HSD17B11: variants seen among roughly 807,000 people sequenced by gnomAD.
HSD17B11 encodes hydroxysteroid 17-beta dehydrogenase 11.
Under a neutral mutation model 27.8 loss-of-function variants are expected in HSD17B11, and 22 were observed. The observed-to-expected ratio is 0.79, with a 90% CI of 0.56 to 1.13. HSD17B11 has a LOEUF of 1.13. Ranked by LOEUF, HSD17B11 falls within the 50% of genes most tolerant of loss-of-function variation. The pLI is 0.00. For synonymous variants in HSD17B11, 117 were observed against 132.8 expected (o/e 0.88, Z 0.82); for missense variants, 314 against 351.1 (o/e 0.89, Z 0.84).
chr4:87,345,139 A>C (rs531896505), intron 5 of HSD17B11: 40 of 152,482 alleles, frequency 2.6e-4, no homozygotes, highest in Admixed American at 1.6e-3. Flanking sequence ...GGTGGCACGC[A>C]CCTGTAGTCC....
At chr4:87,355,326 A>C (rs1421652242) in intron 5 of HSD17B11, among the ~76,000 whole-genome samples, 1 of 152,152 alleles carries the variant, frequency 6.6e-6, no homozygotes, top group Non-Finnish European at 1.5e-5. Flanking sequence ...TGGGTGGGGC[A>C]ATGATTTAAA....
At chr4:87,370,424 T>C (rs978438712) in intron 4 of HSD17B11, among the ~76,000 whole-genome samples, 2 of 151,990 alleles carry the variant, frequency 1.3e-5, no homozygotes, top group Non-Finnish European at 2.9e-5. Context: ...TTATTATTAT[T>C]ATTATTTTTT....
At chr4:87,342,866 G>A (rs759092952) in intron 5 of HSD17B11, among the ~76,000 whole-genome samples, 1 of 152,132 alleles carries the variant, frequency 6.6e-6, no homozygotes, top group Non-Finnish European at 1.5e-5. Flanking sequence ...TTGGCCTAAT[G>A]GAAGCAAAAA....
intron 2 of HSD17B11, among the ~76,000 whole-genome samples, chr4:87,377,057 G>C (rs1459971329): frequency 6.6e-6 from 1 of 152,230 alleles, no homozygotes; most frequent in African/African-American, 2.4e-5. Context: ...TTGCACCTGG[G>C]AGGTGGAGGT....
chr4:87,368,236 G>T (rs887022867), intron 4 of HSD17B11, among the ~76,000 whole-genome samples: 2 of 152,274 alleles, frequency 1.3e-5, no homozygotes, highest in Middle Eastern at 6.8e-3. Flanking sequence ...AGAATGGCAT[G>T]AACCCGGGAG....
intron 2 of HSD17B11, among the ~76,000 whole-genome samples, chr4:87,380,110 CAA>C (rs201265561): frequency 8.4e-6 from 1 of 119,132 alleles, no homozygotes; most frequent in Admixed American, 9.0e-5. Context: ...GACTCTGTCT[CAA>C]AAAAAAAAAA....
chr4:87,379,797 AAT>A lies in HSD17B11; in HGVS notation c.318+2456_318+2457del, dbSNP rs531524089. Among the ~76,000 whole-genome samples the A allele has an allele frequency of 9.3e-3, 1,326 of 143,170 alleles. 21 individuals are homozygous for A. Among genetic ancestry groups the A allele is most frequent in the African/African-American group, 0.033 (1,254 of 38,416 alleles). 93.9% of individuals were successfully genotyped at this position (143,170 alleles called of 152,430 possible). A position where few individuals can be genotyped will look rare whatever the true frequency, so the allele number is the denominator to read the frequency against. ...ATATAGTAATAGTATATTATAGTATAATATACTATAGTATTATAGTATTAATA... is the reference window on the plus strand; with the variant it reads ...ATATAGTAATAGTATATTATAGTATAATACTATAGTATTATAGTATTAATA... On this transcript the variant is annotated intron_variant, in intron 2 of 6. Coordinates refer to ENST00000358290, the MANE Select transcript of HSD17B11 (RefSeq NM_016245.5).
intron 2 of HSD17B11, among the ~76,000 whole-genome samples, chr4:87,378,895 A>AATATATATATATATATATATTTATATAT (rs1303288739): frequency 9.5e-4 from 8 of 8,388 alleles, no homozygotes; most frequent in Non-Finnish European, 1.3e-3. Flanking sequence ...TATATATATA[A>AATATATATATATATATATATTTATATAT]ATATATATAA....
intron 4 of HSD17B11, among the ~76,000 whole-genome samples, chr4:87,359,911 A>T (rs998458720): frequency 6.6e-5 from 10 of 152,204 alleles, no homozygotes; most frequent in Non-Finnish European, 2.9e-5. Flanking sequence ...TTTGCAACAT[A>T]TAAGACAAGG....
intron 1 of HSD17B11, 34 bp from the exon 2 acceptor site, chr4:87,382,396 T>C (rs1177285490): frequency 7.9e-7 from 1 of 1,272,252 alleles, no homozygotes. Flanking sequence ...AAGGTAATAA[T>C]TGATATGAAC....
At chr4:87,387,670 C>T (rs933732121) in intron 1 of HSD17B11, among the ~76,000 whole-genome samples, 1 of 152,130 alleles carries the variant, frequency 6.6e-6, no homozygotes, top group African/African-American at 2.4e-5. Flanking sequence ...AATAAGGACA[C>T]TCAAAACTAA....
chr4:87,372,493 T>C (rs535554203), intron 4 of HSD17B11, among the ~76,000 whole-genome samples: 1 of 152,310 alleles, frequency 6.6e-6, no homozygotes, highest in East Asian at 1.9e-4. Context: ...CTGCTACCTC[T>C]AGCAGGGTCC....
chr4:87,353,780 T>A (rs1489066280), intron 5 of HSD17B11, among the ~76,000 whole-genome samples: 1 of 152,214 alleles, frequency 6.6e-6, no homozygotes, highest in Non-Finnish European at 1.5e-5. Context: ...AAATAGGATG[T>A]CTGTTTTTAA....
chr4:87,391,098 T>C lies in HSD17B11; in HGVS notation c.-28A>G. ...CTTTTGTGGCTGCGAGCGTTTGGTG[T>C]GTTTTTTTTTTTTTTTACCACTCTA... On this transcript the variant is annotated 5_prime_UTR_variant, in exon 1 of 7. Coordinates refer to ENST00000358290, the MANE Select transcript of HSD17B11 (RefSeq NM_016245.5). 1.3e-6 allele frequency: 2 copies of C among 1,504,966 alleles called. No individual in the cohort carries two copies. Among genetic ancestry groups the C allele is most frequent in the Non-Finnish European group, 1.8e-6 (2 of 1,126,802 alleles). 93.2% of individuals were successfully genotyped at this position (1,504,966 alleles called of 1,614,324 possible). A position where few individuals can be genotyped will look rare whatever the true frequency, so the allele number is the denominator to read the frequency against.
chr4:87,345,967 T>TA (rs1376591503), intron 5 of HSD17B11, among the ~76,000 whole-genome samples: 1 of 152,150 alleles, frequency 6.6e-6, no homozygotes, highest in Non-Finnish European at 1.5e-5. Context: ...ACCCCGATAC[T>TA]AAAAACAGAG....
chr4:87,355,596 G>C (rs1735367902), intron 5 of HSD17B11, among the ~76,000 whole-genome samples: 1 of 152,044 alleles, frequency 6.6e-6, no homozygotes, highest in African/African-American at 2.4e-5. Context: ...TGTTTCTTAT[G>C]TATTAATTAA....
chr4:87,361,524 C>T (rs1293750406), intron 4 of HSD17B11, among the ~76,000 whole-genome samples: 4 of 152,220 alleles, frequency 2.6e-5, no homozygotes, highest in East Asian at 1.9e-4. Flanking sequence ...TCCTGGCACT[C>T]TGGGAGGCCA....
intron 2 of HSD17B11, among the ~76,000 whole-genome samples, chr4:87,377,256 C>T (rs1326019172): frequency 6.6e-6 from 1 of 152,162 alleles, no homozygotes; most frequent in African/African-American, 2.4e-5. Context: ...TCAAGACCAG[C>T]CTGACCAACA....
At chr4:87,356,468 T>C (rs1171617101) in intron 5 of HSD17B11, among the ~76,000 whole-genome samples, 1 of 152,182 alleles carries the variant, frequency 6.6e-6, no homozygotes, top group Non-Finnish European at 1.5e-5. Flanking sequence ...CTGAGGGAAG[T>C]ATGCAGTATA....
Sources: allele counts gnomAD v4.1 joint callset (sites outside exome capture counted in the v4.1 genomes callset), GRCh38; gene constraint gnomAD v4.1.1; transcripts MANE v1.5; gene names NCBI Gene and HGNC (gene_info 2026-07-23, HGNC 2026-07-21).